NKAIN3: variants seen among roughly 807,000 people sequenced by gnomAD.
NKAIN3 encodes sodium/potassium transporting ATPase interacting 3.
Under a neutral mutation model 30.2 loss-of-function variants are expected in NKAIN3, and 25 were observed. The observed-to-expected ratio is 0.83, with a 90% CI of 0.60 to 1.16. NKAIN3 has a LOEUF of 1.16. Ranked by LOEUF, NKAIN3 falls within the 50% of genes most tolerant of loss-of-function variation. NKAIN3 has a pLI of 0.00. For missense variants in NKAIN3, 225 were observed against 254.1 expected, an observed-to-expected ratio of 0.89 and a Z score of 0.78; for synonymous variants, 91 against 89.6, an observed-to-expected ratio of 1.02 and a Z score of -0.09.
intron 3 of NKAIN3, among the ~76,000 whole-genome samples, chr8:62,690,586 G>A (rs943840969): frequency 2.0e-5 from 3 of 152,184 alleles, no homozygotes; most frequent in African/African-American, 4.8e-5. Flanking sequence ...GCCTCAGTCA[G>A]TCTGGCTGGC....
intron 1 of NKAIN3, among the ~76,000 whole-genome samples, chr8:62,495,469 G>C (rs1804886629): frequency 6.6e-6 from 1 of 151,384 alleles, no homozygotes; most frequent in African/African-American, 2.4e-5. Flanking sequence ...TTTTTATCAA[G>C]AAATTTTTTT....
At chr8:62,900,127 G>A (rs1455583) in intron 4 of NKAIN3, among the ~76,000 whole-genome samples, 2 of 151,760 alleles carry the variant, frequency 1.3e-5, no homozygotes, top group African/African-American at 4.8e-5. Context: ...GATGGTTGTT[G>A]CTCACTGAAT....
At chr8:62,935,876 A>G (rs1585595373) in intron 5 of NKAIN3, among the ~76,000 whole-genome samples, 1 of 152,192 alleles carries the variant, frequency 6.6e-6, no homozygotes, top group East Asian at 1.9e-4. Flanking sequence ...TATCATTAGA[A>G]AAACAGAATT....
intron 1 of NKAIN3, among the ~76,000 whole-genome samples, chr8:62,557,668 G>A (rs1249323969): frequency 6.6e-6 from 1 of 152,044 alleles, no homozygotes; most frequent in Non-Finnish European, 1.5e-5. Flanking sequence ...GTGATGTTGA[G>A]CAGTTTTCAT....
chr8:62,547,012 C>A (rs548728578), intron 1 of NKAIN3, among the ~76,000 whole-genome samples: 1 of 152,142 alleles, frequency 6.6e-6, no homozygotes, highest in Non-Finnish European at 1.5e-5. Flanking sequence ...ACACAGGAGA[C>A]AATCCTTTTC....
intron 3 of NKAIN3, among the ~76,000 whole-genome samples, chr8:62,722,522 C>A (rs1423188344): frequency 6.6e-6 from 1 of 152,116 alleles, no homozygotes; most frequent in East Asian, 1.9e-4. Context: ...CACTCATGAA[C>A]TATCTGGTTA....
At chr8:62,299,734 T>C (rs1813978506) in intron 1 of NKAIN3, among the ~76,000 whole-genome samples, 1 of 152,136 alleles carries the variant, frequency 6.6e-6, no homozygotes, top group Non-Finnish European at 1.5e-5. Flanking sequence ...TGTTCATATA[T>C]AGTCTACTAA....
At chr8:62,551,497 T>A (rs1376192165) in intron 1 of NKAIN3, among the ~76,000 whole-genome samples, 1 of 152,204 alleles carries the variant, frequency 6.6e-6, no homozygotes, top group East Asian at 1.9e-4. Context: ...AAAGAATCTT[T>A]AAAATGGAGA....
intron 4 of NKAIN3, among the ~76,000 whole-genome samples, chr8:62,812,214 G>A (rs2130715689): frequency 6.6e-6 from 1 of 151,898 alleles, no homozygotes; most frequent in African/African-American, 2.4e-5. Flanking sequence ...CTCTTCATCA[G>A]TACCACACTC....
At chr8:62,537,657 T>G (rs1403481900) in intron 1 of NKAIN3, among the ~76,000 whole-genome samples, 1 of 152,088 alleles carries the variant, frequency 6.6e-6, no homozygotes, top group Non-Finnish European at 1.5e-5. Flanking sequence ...TGCCCCCTTT[T>G]GTTTATTCAA....
At chr8:62,576,596 A>T (rs1810116678) in intron 1 of NKAIN3, among the ~76,000 whole-genome samples, 1 of 152,148 alleles carries the variant, frequency 6.6e-6, no homozygotes, top group South Asian at 2.1e-4. Flanking sequence ...GTGCAGGTAA[A>T]AATTTAACAT....
chr8:62,340,391 G>T (rs1029595416), intron 1 of NKAIN3, among the ~76,000 whole-genome samples: 1 of 151,888 alleles, frequency 6.6e-6, no homozygotes. Flanking sequence ...GGCTTGCTTT[G>T]GGGGAGAGGA....
chr8:62,879,787 T>C (rs897235348), intron 4 of NKAIN3, among the ~76,000 whole-genome samples: 2 of 152,152 alleles, frequency 1.3e-5, no homozygotes, highest in Non-Finnish European at 2.9e-5. Context: ...CCCCAGAGAA[T>C]TGCAATATCA....
intron 4 of NKAIN3, among the ~76,000 whole-genome samples, chr8:62,859,609 TGTGTGTGTGCATGC>T: frequency 6.7e-6 from 1 of 149,504 alleles, no homozygotes; most frequent in African/African-American, 2.5e-5. Flanking sequence ...TATATGCGTG[TGTGTGTGTGCATGC>T]GTGTGTGTGT....
intron 1 of NKAIN3, among the ~76,000 whole-genome samples, chr8:62,256,763 C>A (rs916442819): frequency 1.3e-5 from 2 of 152,152 alleles, no homozygotes; most frequent in African/African-American, 4.8e-5. Flanking sequence ...GACATTGCAT[C>A]TATTTCTTTA....
chr8:62,885,942 C>G (rs902269151), intron 4 of NKAIN3, among the ~76,000 whole-genome samples: 4 of 152,072 alleles, frequency 2.6e-5, no homozygotes, highest in Non-Finnish European at 4.4e-5. Flanking sequence ...CTCTGACAAC[C>G]TCTGTCTTTT....
At position 62,336,720 on chromosome 8, in the gene NKAIN3, T is replaced by C. The variant is rs146805822; in HGVS notation, c.54+87593T>C. On this transcript the variant is annotated intron_variant, in intron 1 of 6. Transcript: ENST00000623646. ...AAACAAGCACCATTTTATTATACCT[T>C]ATGACTTTTGTAGACTAAAAAACAG... Among the ~76,000 whole-genome samples, 154 of 152,060 alleles carry C rather than the reference T, an allele frequency of 1.0e-3. 1 individual carries two copies. The highest frequency in any genetic ancestry group is 3.4e-3 in the African/African-American group (142 of 41,496).
intron 4 of NKAIN3, among the ~76,000 whole-genome samples, chr8:62,771,834 C>G (rs956481382): frequency 2.0e-5 from 3 of 152,098 alleles, no homozygotes; most frequent in Non-Finnish European, 4.4e-5. Context: ...TTGATACAGG[C>G]ATACAATGCA....
intron 1 of NKAIN3, among the ~76,000 whole-genome samples, chr8:62,318,922 T>C (rs1814766083): frequency 6.6e-6 from 1 of 152,158 alleles, no homozygotes. Flanking sequence ...CAGCTCCTCC[T>C]TGTACCTCTG....
Sources: allele counts gnomAD v4.1 joint callset (sites outside exome capture counted in the v4.1 genomes callset), GRCh38; gene constraint gnomAD v4.1.1; transcripts MANE v1.5; gene names NCBI Gene and HGNC (gene_info 2026-07-23, HGNC 2026-07-21).